Variants in TUSC3 observed in about 807,000 individuals in gnomAD.
The protein encoded by TUSC3 is dolichyl-diphosphooligosaccharide--protein glycosyltransferase subunit TUSC3.
A neutral mutation model predicts 44.8 loss-of-function variants in TUSC3; 45 were observed. The ratio of observed to expected loss-of-function variants is 1.00; its 90% confidence interval spans 0.79 to 1.29. The LOEUF (loss-of-function observed/expected upper bound fraction) is 1.29. Among genes scored for constraint, TUSC3 ranks in the 50% most tolerant of loss-of-function variants. TUSC3 has a pLI of 0.00. For missense variants in TUSC3, 519 were observed against 437.9 expected (o/e 1.19, Z -1.65); for synonymous variants, 212 against 152.9 (o/e 1.39, Z -2.85).
chr8:15,512,076 A>G (rs1031183604), intron 2 of TUSC3, among the ~76,000 whole-genome samples: 9 of 152,210 alleles, frequency 5.9e-5, no homozygotes, highest in African/African-American at 2.2e-4. Flanking sequence ...GAAAAAGAGG[A>G]ACAATGTTGG....
chr8:15,436,324 G>A (rs192560137), intron 1 of TUSC3, among the ~76,000 whole-genome samples: 14 of 152,352 alleles, frequency 9.2e-5, no homozygotes, highest in African/African-American at 3.4e-4. Context: ...ATCAATGGCA[G>A]TTTGTAATGA....
chr8:15,534,880 G>T (rs556336074), intron 2 of TUSC3, among the ~76,000 whole-genome samples: 1 of 152,274 alleles, frequency 6.6e-6, no homozygotes, highest in African/African-American at 2.4e-5. Context: ...CTTGAACGCA[G>T]TTTGAACATT....
At chr8:15,670,641 C>G (rs954585184) in intron 5 of TUSC3, among the ~76,000 whole-genome samples, 15 of 151,744 alleles carry the variant, frequency 9.9e-5, no homozygotes, top group Non-Finnish European at 2.1e-4. Flanking sequence ...TTTCTTAAAA[C>G]AGAACATAAG....
At chr8:15,534,731 G>A (rs1030202800) in intron 2 of TUSC3, among the ~76,000 whole-genome samples, 3 of 151,716 alleles carry the variant, frequency 2.0e-5, no homozygotes, top group Admixed American at 2.0e-4. Flanking sequence ...GCAGCCTCCA[G>A]AATCACAGCA....
At chr8:15,686,655 A>G (rs970236033) in intron 6 of TUSC3, among the ~76,000 whole-genome samples, 1 of 152,120 alleles carries the variant, frequency 6.6e-6, no homozygotes, top group Non-Finnish European at 1.5e-5. Flanking sequence ...ACTGATTTAG[A>G]TTAAATATAA....
the TUSC3 span, among the ~76,000 whole-genome samples, chr8:15,794,803 C>T: frequency 2.0e-5 from 3 of 152,090 alleles, no homozygotes; most frequent in Non-Finnish European, 1.5e-5. Flanking sequence ...CTTTATTATA[C>T]GAGACAGCAA....
intron 1 of TUSC3, among the ~76,000 whole-genome samples, chr8:15,457,773 C>A (rs1022086330): frequency 1.4e-5 from 2 of 145,804 alleles, no homozygotes; most frequent in African/African-American, 5.0e-5. Context: ...ATTAGATAAT[C>A]TAATAAATTA....
intron 7 of TUSC3, among the ~76,000 whole-genome samples, chr8:15,735,941 G>T (rs999616242): frequency 6.6e-6 from 1 of 151,302 alleles, no homozygotes; most frequent in Non-Finnish European, 1.5e-5. Flanking sequence ...TGTTAGCCAG[G>T]ATGGTCTCGA....
intron 1 of TUSC3, among the ~76,000 whole-genome samples, chr8:15,541,397 G>T (rs1801686946): frequency 1.3e-5 from 2 of 152,192 alleles, no homozygotes; most frequent in African/African-American, 2.4e-5. Context: ...TCTAATTGTG[G>T]ACCATTTTGG....
intron 6 of TUSC3, among the ~76,000 whole-genome samples, chr8:15,677,266 C>T (rs968950684): frequency 1.3e-5 from 2 of 152,104 alleles, no homozygotes. Context: ...TCCCTGAGTT[C>T]TCGGATTACA....
At chr8:15,552,173 G>C (rs1802081863) in intron 1 of TUSC3, among the ~76,000 whole-genome samples, 1 of 151,652 alleles carries the variant, frequency 6.6e-6, no homozygotes, top group Admixed American at 6.6e-5. Context: ...TACTATTATT[G>C]ATGTAAGCAA....
At chr8:15,686,442 T>G (rs1808631425) in intron 6 of TUSC3, among the ~76,000 whole-genome samples, 1 of 152,052 alleles carries the variant, frequency 6.6e-6, no homozygotes, top group Admixed American at 6.5e-5. Context: ...TGCAGAACAT[T>G]TTATTGCAAA....
At chr8:15,834,759 T>C in the TUSC3 span, among the ~76,000 whole-genome samples, 1 of 152,200 alleles carries the variant, frequency 6.6e-6, no homozygotes, top group Non-Finnish European at 1.5e-5. Flanking sequence ...ACTTTAATGA[T>C]TAAGGTCATT....
At chr8:15,552,610 A>G (rs1291053150) in intron 1 of TUSC3, among the ~76,000 whole-genome samples, 1 of 151,678 alleles carries the variant, frequency 6.6e-6, no homozygotes, top group Non-Finnish European at 1.5e-5. Flanking sequence ...AAATTCAGAG[A>G]ACTCAAAGCT....
At chr8:15,502,577 A>C (rs1800982466) in intron 2 of TUSC3, among the ~76,000 whole-genome samples, 1 of 152,072 alleles carries the variant, frequency 6.6e-6, no homozygotes, top group Non-Finnish European at 1.5e-5. Context: ...TGCAAGCTCC[A>C]CCTCCTGGGT....
chr8:15,841,688 A>G, the TUSC3 span, among the ~76,000 whole-genome samples: 1 of 152,056 alleles, frequency 6.6e-6, no homozygotes, highest in East Asian at 1.9e-4. Flanking sequence ...TAATATTTGT[A>G]TTTTTAGTAG....
intron 1 of TUSC3, among the ~76,000 whole-genome samples, chr8:15,423,465 A>T (rs1335223130): frequency 6.6e-6 from 1 of 152,216 alleles, no homozygotes; most frequent in Non-Finnish European, 1.5e-5. Flanking sequence ...GGGAATCAGG[A>T]AATGCACCCA....
At chr8:15,737,076 A>G (rs1341389450) in intron 7 of TUSC3, among the ~76,000 whole-genome samples, 1 of 149,830 alleles carries the variant, frequency 6.7e-6, no homozygotes. Flanking sequence ...CATTTTTTCC[A>G]TTTATTATGA....
At chr8:15,736,904 T>C (rs1810960845) in intron 7 of TUSC3, among the ~76,000 whole-genome samples, 1 of 152,314 alleles carries the variant, frequency 6.6e-6, no homozygotes, top group African/African-American at 2.4e-5. Context: ...TAAGCTTTAG[T>C]GTCAACTATA....
Sources: gnomAD v4.1 joint callset for allele counts (sites outside exome capture counted in the v4.1 genomes callset) on GRCh38, gnomAD v4.1.1 for gene constraint, MANE v1.5 for transcripts, NCBI Gene and HGNC (gene_info 2026-07-23, HGNC 2026-07-21) for gene names.